CAMKMT: variants seen among roughly 807,000 people sequenced by gnomAD.
The protein encoded by CAMKMT is CaM KMT.
Under a neutral mutation model 48.0 loss-of-function variants are expected in CAMKMT, and 53 were observed. That is an observed-to-expected ratio of 1.10 (90% CI 0.89 to 1.39). The LOEUF (loss-of-function observed/expected upper bound fraction) is 1.39. Ranked by LOEUF, CAMKMT falls within the 40% of genes most tolerant of loss-of-function variation. The pLI is 0.00. For synonymous variants in CAMKMT, 165 were observed against 152.3 expected, an observed-to-expected ratio of 1.08 and a Z score of -0.61; for missense variants, 428 against 402.7, an observed-to-expected ratio of 1.06 and a Z score of -0.54.
chr2:44,369,882 C>T (rs1263256051), intron 1 of CAMKMT: 1 of 152,176 alleles, frequency 6.6e-6, no homozygotes, highest in Non-Finnish European at 1.5e-5. Flanking sequence ...TTAACACCAT[C>T]TTTCCTTGTT....
At chr2:44,495,425 T>A (rs139906713) in intron 3 of CAMKMT, among the ~76,000 whole-genome samples, 152 of 152,322 alleles carry the variant, frequency 1.0e-3, no homozygotes, top group Non-Finnish European at 1.7e-3. Flanking sequence ...ATTAAAGATG[T>A]GAGCCACCGT....
intron 3 of CAMKMT, among the ~76,000 whole-genome samples, chr2:44,477,622 G>A (rs953069007): frequency 6.6e-6 from 1 of 152,080 alleles, no homozygotes; most frequent in Non-Finnish European, 1.5e-5. Context: ...TACATTTTTG[G>A]TTGAGCACAT....
At chr2:44,559,793 A>T (rs898698987) in intron 3 of CAMKMT, among the ~76,000 whole-genome samples, 1 of 152,222 alleles carries the variant, frequency 6.6e-6, no homozygotes, top group South Asian at 2.1e-4. Flanking sequence ...ATGACTATTC[A>T]GAATCAAGTT....
At chr2:44,658,933 A>C (rs1349047864) in intron 3 of CAMKMT, among the ~76,000 whole-genome samples, 6 of 152,078 alleles carry the variant, frequency 3.9e-5, no homozygotes, top group Admixed American at 2.6e-4. Flanking sequence ...ATAGGGTTTC[A>C]ATACTATAGT....
chr2:44,472,579 A>G (rs955547170), intron 3 of CAMKMT, among the ~76,000 whole-genome samples: 5 of 152,190 alleles, frequency 3.3e-5, no homozygotes, highest in African/African-American at 1.2e-4. Flanking sequence ...ATTTTTAACA[A>G]AAATTTATGG....
At chr2:44,465,295 A>G (rs1225227275) in intron 3 of CAMKMT, among the ~76,000 whole-genome samples, 3 of 152,094 alleles carry the variant, frequency 2.0e-5, no homozygotes, top group Non-Finnish European at 4.4e-5. Flanking sequence ...AAAACACATC[A>G]CTAAAAAAAT....
At chr2:44,488,875 G>GTT (rs1314675121) in intron 3 of CAMKMT, among the ~76,000 whole-genome samples, 33 of 149,136 alleles carry the variant, frequency 2.2e-4, no homozygotes, top group Non-Finnish European at 2.6e-4. Context: ...GTGTGTGTGT[G>GTT]TGTTTTAAGA....
chr2:44,484,266 G>C (rs949159896), intron 3 of CAMKMT, among the ~76,000 whole-genome samples: 2 of 151,648 alleles, frequency 1.3e-5, no homozygotes, highest in African/African-American at 2.4e-5. Flanking sequence ...ACCAATAATA[G>C]TCAAAATCAT....
chr2:44,677,446 C>T (rs1417748406), intron 3 of CAMKMT, among the ~76,000 whole-genome samples: 1 of 152,202 alleles, frequency 6.6e-6, no homozygotes, highest in Non-Finnish European at 1.5e-5. Context: ...ACTTCCTCAT[C>T]AGCAGTCTGT....
intron 7 of CAMKMT, among the ~76,000 whole-genome samples, chr2:44,723,378 G>A (rs1451737664): frequency 6.6e-6 from 1 of 152,192 alleles, no homozygotes; most frequent in African/African-American, 2.4e-5. Flanking sequence ...GGATCACGAA[G>A]TTGGGAGTTC....
In CAMKMT at chr2:44,618,391, AC is replaced by A; in HGVS notation, c.377-85890del. 6.6e-6 allele frequency among the ~76,000 whole-genome samples: 1 copy of A among 152,272 alleles called. No individual in the cohort carries two copies. The highest frequency in any genetic ancestry group is 6.5e-5 in the Admixed American group (1 of 15,298). On this transcript the variant is annotated intron_variant, in intron 3 of 10. Coordinates refer to ENST00000378494, the MANE Select transcript of CAMKMT (RefSeq NM_024766.5). The surrounding 1 kb of genome is among the most constrained non-coding windows in gnomAD (Gnocchi z 4.0). ...TGGAGATTAACTGAACAGCCTTCCTACCAATTCCCAAGCCTGTCAGCAGAAC... is the reference window on the plus strand; with the variant it reads ...TGGAGATTAACTGAACAGCCTTCCTACAATTCCCAAGCCTGTCAGCAGAAC...
intron 3 of CAMKMT, among the ~76,000 whole-genome samples, chr2:44,457,942 A>G (rs1667653775): frequency 6.6e-6 from 1 of 152,044 alleles, no homozygotes; most frequent in Admixed American, 6.6e-5. Context: ...GAAGCATGGA[A>G]CAGCCTGCAC....
At chr2:44,577,558 G>A (rs1328517977) in intron 3 of CAMKMT, among the ~76,000 whole-genome samples, 9 of 151,976 alleles carry the variant, frequency 5.9e-5, no homozygotes, top group Non-Finnish European at 1.3e-4. Context: ...GGTCCAGGCT[G>A]CAGTGATCTA....
At chr2:44,602,437 A>G (rs1671051551) in intron 3 of CAMKMT, among the ~76,000 whole-genome samples, 1 of 152,140 alleles carries the variant, frequency 6.6e-6, no homozygotes, top group Non-Finnish European at 1.5e-5. Flanking sequence ...AAATGTTAAA[A>G]TAATTTTATA....
In CAMKMT at chr2:44,372,857, A is replaced by G. The variant is rs1679321116; in HGVS notation, c.280A>G (p.Ile94Val). ...TGGTGCATGGGTCCAATATACAAGC[A>G]TCTTCTGTCCTGAATACAGTATCTC... ...EVGAWVQYTS[I>V]FCPEYSISLR... Residue 94 changes from isoleucine to valine, a missense_variant, in exon 2 of 11, where the codon ATC (isoleucine) becomes GTC (valine). Physicochemically the swap from Ile to Val is conservative, Grantham distance 29. Transcript: ENST00000378494. The G allele has an allele frequency of 2.5e-6, 4 of 1,613,940 alleles. No individual in the cohort carries two copies. Among genetic ancestry groups the G allele is most frequent in the East Asian group, 2.2e-5 (1 of 44,834 alleles).
At chr2:44,433,502 A>G (rs1417044852) in intron 3 of CAMKMT, among the ~76,000 whole-genome samples, 1 of 152,186 alleles carries the variant, frequency 6.6e-6, no homozygotes, top group Non-Finnish European at 1.5e-5. Context: ...AATGTTTCTT[A>G]TAAGAAAAAT....
chr2:44,367,111 T>C lies in CAMKMT; in HGVS notation c.138+4966T>C, dbSNP rs1026832286. Among the ~76,000 whole-genome samples the C allele has an allele frequency of 3.3e-5, 5 of 152,178 alleles. No individual in the cohort carries two copies. In the East Asian group the frequency reaches 7.7e-4, roughly 23 times the overall value. On this transcript the variant is annotated intron_variant, in intron 1 of 10. Coordinates refer to ENST00000378494, the MANE Select transcript of CAMKMT (RefSeq NM_024766.5). ...TGGTTTTTACTTGCATCCCTGAGCA[T>C]AGATTCATATATAAATATAGGGATT...
chr2:44,621,572 A>C (rs2103934890), intron 3 of CAMKMT, among the ~76,000 whole-genome samples: 1 of 152,348 alleles, frequency 6.6e-6, no homozygotes, highest in Admixed American at 6.5e-5. Context: ...AGGAGCTGAA[A>C]GAAGGAATGT....
At chr2:44,433,838 T>G (rs1363404556) in intron 3 of CAMKMT, among the ~76,000 whole-genome samples, 1 of 152,234 alleles carries the variant, frequency 6.6e-6, no homozygotes. Flanking sequence ...GAGAAATCTT[T>G]TAGAATCAAA....
Sources: allele counts gnomAD v4.1 joint callset (sites outside exome capture counted in the v4.1 genomes callset), GRCh38; gene constraint gnomAD v4.1.1; non-coding constraint Gnocchi (gnomAD v3.1); transcripts MANE v1.5; gene names NCBI Gene and HGNC (gene_info 2026-07-23, HGNC 2026-07-21).